The following MTUS2 variants were observed in gnomAD, a reference collection of about 807,000 sequenced individuals.
MTUS2 encodes microtubule associated scaffold protein 2.
A neutral mutation model predicts 114.1 loss-of-function variants in MTUS2; 40 were observed. That is an observed-to-expected ratio of 0.35 (90% CI 0.27 to 0.46). The LOEUF is 0.46. Ranked by LOEUF, MTUS2 falls within the 20% of genes least tolerant of loss-of-function variation. The pLI, the probability that MTUS2 is intolerant of heterozygous loss-of-function variation, is 1.00. For synonymous variants in MTUS2, 688 were observed against 672.0 expected, an observed-to-expected ratio of 1.02 and a Z score of -0.37; for missense variants, 1,679 against 1,705.4, an observed-to-expected ratio of 0.98 and a Z score of 0.27.
At chr13:29,257,094 C>T (rs1218401517) in intron 5 of MTUS2, among the ~76,000 whole-genome samples, 3 of 152,222 alleles carry the variant, frequency 2.0e-5, no homozygotes, top group Non-Finnish European at 2.9e-5. Flanking sequence ...AGCTGGGACC[C>T]TTCCTTTGTC....
intron 7 of MTUS2, among the ~76,000 whole-genome samples, chr13:29,354,082 G>GTCCCCTGAT (rs1297383656): frequency 6.6e-6 from 1 of 152,156 alleles, no homozygotes; most frequent in African/African-American, 2.4e-5. Context: ...CTCCACCTGA[G>GTCCCCTGAT]TCCCCTGATT....
chr13:29,217,702 T>G (rs531773922), intron 5 of MTUS2, among the ~76,000 whole-genome samples: 12 of 152,268 alleles, frequency 7.9e-5, no homozygotes, highest in Non-Finnish European at 2.9e-5. Context: ...TAACACATGA[T>G]GCTGTTTGAT....
intron 2 of MTUS2, among the ~76,000 whole-genome samples, chr13:28,881,064 G>A (rs1170340337): frequency 6.6e-6 from 1 of 152,170 alleles, no homozygotes; most frequent in African/African-American, 2.4e-5. Context: ...TTGGCTTCTA[G>A]TGTACCCAGC....
chr13:29,466,876 C>CAAAAAAAAA (rs11296600), intron 9 of MTUS2, among the ~76,000 whole-genome samples: 114 of 87,316 alleles, frequency 1.3e-3, no homozygotes, highest in Non-Finnish European at 1.8e-3. Context: ...GACCTCATCT[C>CAAAAAAAAA]AAAAAAAAAA....
At chr13:29,212,175 C>G (rs1051779560) in intron 5 of MTUS2, among the ~76,000 whole-genome samples, 4 of 152,130 alleles carry the variant, frequency 2.6e-5, no homozygotes, top group African/African-American at 9.6e-5. Context: ...TTTCAGATTT[C>G]CCTTTTTGAT....
rs368734000 is a variant in MTUS2 at position 29,323,395 on chromosome 13, G to A, written c.2807-1218G>A. 3.0e-3 allele frequency among the ~76,000 whole-genome samples: 454 copies of A among 151,874 alleles called. 1 individual carries two copies. The highest frequency in any genetic ancestry group is 0.02 in the Middle Eastern group (6 of 294). ...CTCCCGTGTAGCTGGGACTACAGGT[G>A]CCCACCACCATGCCTGGCTAATTTT... On this transcript the variant is annotated intron_variant, in intron 6 of 15. Transcript: ENST00000612955.
At chr13:29,297,888 C>CAA (rs1191925910) in intron 6 of MTUS2, among the ~76,000 whole-genome samples, 2 of 152,118 alleles carry the variant, frequency 1.3e-5, no homozygotes, top group Non-Finnish European at 2.9e-5. Flanking sequence ...CACACACACA[C>CAA]ACAAAACATG....
At chr13:29,222,214 T>C (rs991102532) in intron 5 of MTUS2, among the ~76,000 whole-genome samples, 2 of 152,258 alleles carry the variant, frequency 1.3e-5, no homozygotes, top group African/African-American at 4.8e-5. Context: ...TCATTGATTT[T>C]ACTTGTGTGT....
chr13:29,356,533 T>C (rs542754251), intron 7 of MTUS2, among the ~76,000 whole-genome samples: 215 of 152,278 alleles, frequency 1.4e-3, no homozygotes, highest in African/African-American at 4.8e-3. Context: ...GATCTTTTTG[T>C]TTCACCCTGG....
At chr13:28,910,385 C>T (rs1880337273) in intron 2 of MTUS2, among the ~76,000 whole-genome samples, 1 of 151,650 alleles carries the variant, frequency 6.6e-6, no homozygotes, top group African/African-American at 2.4e-5. Flanking sequence ...TATTTTTTTC[C>T]CCACCTTTTA....
chr13:29,158,448 AG>A (rs1454228050), intron 5 of MTUS2, among the ~76,000 whole-genome samples: 1 of 145,422 alleles, frequency 6.9e-6, no homozygotes, highest in South Asian at 2.2e-4. Flanking sequence ...GGGACACTTG[AG>A]TTCACTCTGT....
At chr13:28,970,603 AAAGT>A (rs1249691848) in intron 2 of MTUS2, among the ~76,000 whole-genome samples, 1 of 152,246 alleles carries the variant, frequency 6.6e-6, no homozygotes, top group Non-Finnish European at 1.5e-5. Flanking sequence ...AACAGGAAGA[AAAGT>A]AAGAAGATGA....
intron 6 of MTUS2, chr13:29,306,891 T>C (rs1899493383): frequency 2.0e-6 from 1 of 511,484 alleles, no homozygotes; most frequent in South Asian, 1.5e-5. Context: ...ACCCCTTCAT[T>C]GACCTCAACT....
intron 7 of MTUS2, among the ~76,000 whole-genome samples, chr13:29,331,784 A>G (rs1035941878): frequency 2.0e-5 from 3 of 152,150 alleles, no homozygotes; most frequent in African/African-American, 7.2e-5. Flanking sequence ...GTTGAATTTT[A>G]TCAAAGGTCT....
intron 6 of MTUS2, among the ~76,000 whole-genome samples, chr13:29,319,307 C>T (rs887054650): frequency 2.0e-5 from 3 of 152,130 alleles, no homozygotes; most frequent in African/African-American, 4.8e-5. Context: ...GTCATGGTGA[C>T]GTGAGGCACG....
intron 2 of MTUS2, among the ~76,000 whole-genome samples, chr13:29,007,161 C>T (rs989524160): frequency 4.5e-4 from 68 of 151,976 alleles, no homozygotes; most frequent in Non-Finnish European, 7.4e-4. Context: ...AGCTTTAATC[C>T]TTCATTAAAA....
chr13:29,009,584 A>G (rs1885750417), intron 2 of MTUS2, among the ~76,000 whole-genome samples: 1 of 152,132 alleles, frequency 6.6e-6, no homozygotes, highest in African/African-American at 2.4e-5. Flanking sequence ...GCTGATTACA[A>G]AGCGGTAACA....
At chr13:28,890,130 C>T (rs1878831164) in intron 2 of MTUS2, among the ~76,000 whole-genome samples, 1 of 152,130 alleles carries the variant, frequency 6.6e-6, no homozygotes, top group South Asian at 2.1e-4. Context: ...ACTCCATGAT[C>T]ACAGAACTGC....
At chr13:29,285,768 CA>C (rs1294609653) in intron 6 of MTUS2, among the ~76,000 whole-genome samples, 2 of 151,846 alleles carry the variant, frequency 1.3e-5, no homozygotes, top group East Asian at 3.9e-4. Flanking sequence ...CTGTAGATTA[CA>C]AAAAAATGTA....
Sources: allele counts gnomAD v4.1 joint callset (sites outside exome capture counted in the v4.1 genomes callset), GRCh38; gene constraint gnomAD v4.1.1; transcripts MANE v1.5; gene names NCBI Gene and HGNC (gene_info 2026-07-23, HGNC 2026-07-21).